The following SPHKAP variants were observed in gnomAD, a reference collection of about 807,000 sequenced individuals.
SPHKAP encodes SPHK1 interactor, AKAP domain containing.
SPHKAP carries 67 observed loss-of-function variants against 137.5 expected under a neutral mutation model. The observed-to-expected ratio is 0.49, with a 90% CI of 0.40 to 0.60. The LOEUF (loss-of-function observed/expected upper bound fraction) is 0.60. Ranked by LOEUF, SPHKAP falls within the 20% of genes least tolerant of loss-of-function variation. The probability of loss-of-function intolerance (pLI) is 0.00; values close to 1 mark genes in which losing one functional copy is unlikely to be tolerated. For missense variants in SPHKAP, 2,097 were observed against 2,069.3 expected (o/e 1.01, Z -0.26); for synonymous variants, 813 against 785.3 (o/e 1.04, Z -0.59).
intron 7 of SPHKAP, among the ~76,000 whole-genome samples, chr2:228,016,051 G>T (rs1694574996): frequency 6.6e-6 from 1 of 152,088 alleles, no homozygotes; most frequent in Non-Finnish European, 1.5e-5. Flanking sequence ...TTTAATGGGA[G>T]GAATGATATC....
rs763566165 is a variant in SPHKAP at position 228,019,328 on chromosome 2, G to T, written c.1526C>A (p.Thr509Asn). 7 of 1,614,170 alleles carry T rather than the reference G, an allele frequency of 4.3e-6. No individual in the cohort carries two copies. The highest frequency in any genetic ancestry group is 5.9e-6 in the Non-Finnish European group (7 of 1,180,022). The change falls in exon 7 of 12, where the codon ACT becomes AAT. Residue 509 changes from threonine (T) to asparagine (N), a missense_variant. Thr to Asn is a moderately conservative substitution (Grantham distance 65). Coordinates refer to ENST00000392056, the MANE Select transcript of SPHKAP (RefSeq NM_001142644.2). ...ALACAATVIG[T>N]ISSPQATERL... is the part of the protein sequence containing the mutation. ...TTCTGTGGCCTGTGGACTGGAAATA[G>T]TTCCAATCACAGTGGCTGCACAAGC... is the stretch of plus-strand genomic sequence containing the variant.
intron 3 of SPHKAP, among the ~76,000 whole-genome samples, chr2:228,034,673 T>C (rs1384944328): frequency 6.6e-6 from 1 of 152,164 alleles, no homozygotes; most frequent in Non-Finnish European, 1.5e-5. Flanking sequence ...ATCAAAAAGC[T>C]TATCCACCAT....
chr2:228,099,016 GA>G, intron 3 of SPHKAP, among the ~76,000 whole-genome samples: 1 of 152,162 alleles, frequency 6.6e-6, no homozygotes, highest in East Asian at 1.9e-4. Flanking sequence ...CTTTTTCTGT[GA>G]AGAAGCTCTT....
At chr2:228,001,563 A>C (rs1237777082) in intron 7 of SPHKAP, among the ~76,000 whole-genome samples, 1 of 146,720 alleles carries the variant, frequency 6.8e-6, no homozygotes, top group Non-Finnish European at 1.5e-5. Context: ...ATAAAAATAT[A>C]TATACACACA....
At chr2:228,068,900 G>C (rs1051712812) in intron 3 of SPHKAP, among the ~76,000 whole-genome samples, 5 of 152,180 alleles carry the variant, frequency 3.3e-5, no homozygotes, top group Non-Finnish European at 7.3e-5. Flanking sequence ...CTTTCGAGTG[G>C]TGAGTAGGTT....
At chr2:228,112,808 A>C (rs1698560768) in intron 2 of SPHKAP, among the ~76,000 whole-genome samples, 1 of 152,172 alleles carries the variant, frequency 6.6e-6, no homozygotes, top group Non-Finnish European at 1.5e-5. Flanking sequence ...AACCTATTTT[A>C]AAAATAAATA....
intron 6 of SPHKAP, among the ~76,000 whole-genome samples, chr2:228,020,589 G>A (rs1003489638): frequency 1.3e-5 from 2 of 152,020 alleles, no homozygotes. Flanking sequence ...AGTGGGGAGG[G>A]CTAGCATTAG....
chr2:228,125,875 G>A (rs923739363), intron 2 of SPHKAP, among the ~76,000 whole-genome samples: 5 of 152,008 alleles, frequency 3.3e-5, no homozygotes, highest in Non-Finnish European at 5.9e-5. Flanking sequence ...TCAGAAGTTC[G>A]AGAACAGCCT....
At chr2:228,144,063 C>T (rs1387143016) in intron 1 of SPHKAP, among the ~76,000 whole-genome samples, 2 of 152,226 alleles carry the variant, frequency 1.3e-5, no homozygotes, top group Admixed American at 6.5e-5. Context: ...ATGCTCCGTG[C>T]GTTGAGATCT....
At chr2:228,099,584 G>A (rs1698117647) in intron 3 of SPHKAP, among the ~76,000 whole-genome samples, 1 of 152,084 alleles carries the variant, frequency 6.6e-6, no homozygotes, top group African/African-American at 2.4e-5. Flanking sequence ...AATTTGATAA[G>A]AGTAACACTG....
Position 228,017,709 on chromosome 2 carries a change from G to C in SPHKAP, c.3145C>G (p.Leu1049Val). 6.2e-7 allele frequency: 1 copy of C among 1,614,088 alleles called. No individual in the cohort carries two copies. The highest frequency in any genetic ancestry group is 1.1e-5 in the South Asian group (1 of 91,084). The change falls in exon 7 of 12, where the codon CTA (leucine) becomes GTA (valine). Residue 1049 changes from leucine (L) to valine (V), a missense_variant. Transcript: ENST00000392056. ...CCGTCCACCATAGAGAACTCCGTTA[G>C]GTTCATGATCTTGGCTGCCACTTCA... is the stretch of plus-strand genomic sequence containing the variant. ...ANEVAAKIMNLTEFSMVDGMW... is the reference protein window; with the variant it reads ...ANEVAAKIMNVTEFSMVDGMW...
chr2:228,059,102 C>T (rs1696547718), intron 3 of SPHKAP, among the ~76,000 whole-genome samples: 1 of 152,122 alleles, frequency 6.6e-6, no homozygotes, highest in Admixed American at 6.5e-5. Flanking sequence ...GCGTTGTATT[C>T]ATGTTGTGTG....
intron 2 of SPHKAP, among the ~76,000 whole-genome samples, chr2:228,130,131 A>G (rs1253606569): frequency 1.3e-5 from 2 of 152,098 alleles, no homozygotes; most frequent in Non-Finnish European, 2.9e-5. Flanking sequence ...TCCAGGCCCA[A>G]ATAGCCCTTT....
intron 5 of SPHKAP, among the ~76,000 whole-genome samples, chr2:228,022,709 G>A (rs1169123010): frequency 6.6e-6 from 1 of 152,132 alleles, no homozygotes; most frequent in African/African-American, 2.4e-5. Flanking sequence ...GGGAAGTCAG[G>A]GTCTAGAGTC....
chr2:228,181,572 T>C lies in SPHKAP; in HGVS notation c.27A>G (p.Val9=). 1 of 1,614,084 alleles carries C rather than the reference T, an allele frequency of 6.2e-7. No homozygotes were observed. The highest frequency in any genetic ancestry group is 8.5e-7 in the Non-Finnish European group (1 of 1,179,994). The change falls in exon 1 of 12, where the codon GTA becomes GTG. Residue 9 remains valine, a synonymous_variant. Transcript: ENST00000392056. This position sits in a 1 kb window ranked among gnomAD's most constrained non-coding sequence, Gnocchi z 4.3. ...TAGAAAGAAGCGGGTCTTACCTTGG[T>C]ACCGAGAGCAGGGAGTTGCCATCCA... MDGNSLLS[V]PSNLESSRMY...
intron 3 of SPHKAP, among the ~76,000 whole-genome samples, chr2:228,032,186 A>C (rs1045125382): frequency 2.6e-5 from 4 of 152,226 alleles, no homozygotes; most frequent in African/African-American, 4.8e-5. Context: ...GAAGTCCTTA[A>C]AGGAGCTGAT....
chr2:228,008,646 G>A (rs1013182224), intron 7 of SPHKAP, among the ~76,000 whole-genome samples: 17 of 150,440 alleles, frequency 1.1e-4, no homozygotes, highest in Admixed American at 1.0e-3. Flanking sequence ...TGATCCATTC[G>A]TGTTATTTTT....
At chr2:228,053,390 A>AT (rs1269255077) in intron 3 of SPHKAP, among the ~76,000 whole-genome samples, 1 of 152,216 alleles carries the variant, frequency 6.6e-6, no homozygotes, top group Non-Finnish European at 1.5e-5. Context: ...CATTCAGTCT[A>AT]CAATGTATAG....
intron 2 of SPHKAP, among the ~76,000 whole-genome samples, chr2:228,128,826 C>A (rs1051824683): frequency 6.6e-6 from 1 of 152,060 alleles, no homozygotes; most frequent in African/African-American, 2.4e-5. Flanking sequence ...TGATAGGAAT[C>A]TTTTTTTATG....
Sources: allele counts gnomAD v4.1 joint callset (sites outside exome capture counted in the v4.1 genomes callset), GRCh38; gene constraint gnomAD v4.1.1; non-coding constraint Gnocchi (gnomAD v3.1); transcripts MANE v1.5; gene names NCBI Gene and HGNC (gene_info 2026-07-23, HGNC 2026-07-21).